The following ANOS1 variants were observed in gnomAD, a reference collection of about 807,000 sequenced individuals.
ANOS1 encodes anosmin 1, also known as anosmin-1.
Under a neutral mutation model 59.0 loss-of-function variants are expected in ANOS1, and 6 were observed. That is an observed-to-expected ratio of 0.10 (90% CI 0.06 to 0.20). The LOEUF is 0.20. Among genes scored for constraint, ANOS1 ranks in the 10% least tolerant of loss-of-function variants. The pLI, the probability that ANOS1 is intolerant of heterozygous loss-of-function variation, is 1.00. For synonymous variants in ANOS1, 217 were observed against 223.4 expected, an observed-to-expected ratio of 0.97 and a Z score of 0.25; for missense variants, 433 against 542.3, an observed-to-expected ratio of 0.80 and a Z score of 2.00.
At chrX:8,558,568 T>C (rs1023695142) in intron 8 of ANOS1, among the ~76,000 whole-genome samples, 6 of 111,676 alleles carry the variant, frequency 5.4e-5, no homozygotes, top group African/African-American at 2.0e-4. Context: ...TAAGTATGAA[T>C]AATATTTCTC....
chrX:8,555,486 G>C (rs1929936477), intron 8 of ANOS1, among the ~76,000 whole-genome samples: 1 of 111,568 alleles, frequency 9.0e-6, no homozygotes, highest in South Asian at 3.7e-4. Context: ...CTACTAGCCA[G>C]ACTAATAAAG....
chrX:8,667,422 A>G (rs779410725), intron 2 of ANOS1, among the ~76,000 whole-genome samples: 4 of 111,202 alleles, frequency 3.6e-5, no homozygotes, highest in Non-Finnish European at 7.5e-5. Flanking sequence ...CAGCCTCCAG[A>G]GTACCCGGAA....
intron 3 of ANOS1, among the ~76,000 whole-genome samples, chrX:8,605,962 T>A (rs1272507103): frequency 1.1e-5 from 1 of 94,012 alleles, no homozygotes; most frequent in Admixed American, 1.2e-4. Context: ...ACTCTGTGAG[T>A]GTATGTGCCT....
chrX:8,546,068 G>T (rs1315454638), intron 9 of ANOS1, among the ~76,000 whole-genome samples: 1 of 112,073 alleles, frequency 8.9e-6, no homozygotes, highest in Non-Finnish European at 1.9e-5. Context: ...CAGCCAAAGT[G>T]TCCTTTCCCA....
At chrX:8,623,996 ATTTTC>A (rs1486420340) in intron 2 of ANOS1, among the ~76,000 whole-genome samples, 5 of 87,994 alleles carry the variant, frequency 5.7e-5, no homozygotes, top group Admixed American at 1.3e-4. Context: ...AGTAAGAAAT[ATTTTC>A]TTTTCTTTTC....
chrX:8,699,222 C>T (rs1932727762), intron 2 of ANOS1, among the ~76,000 whole-genome samples: 1 of 111,164 alleles, frequency 9.0e-6, no homozygotes, highest in African/African-American at 3.3e-5. Context: ...TAGTGTGCAG[C>T]AAAGAATACT....
intron 5 of ANOS1, among the ~76,000 whole-genome samples, chrX:8,587,231 C>T (rs902654454): frequency 9.0e-6 from 1 of 111,267 alleles, no homozygotes; most frequent in African/African-American, 3.3e-5. Context: ...GGAGGAAGCA[C>T]TCTCTGGGAG....
chrX:8,554,134 A>G, intron 8 of ANOS1, 36 bp from the exon 9 acceptor site: 1 of 1,132,227 alleles, frequency 8.8e-7, no homozygotes. Flanking sequence ...TTACTTGTTA[A>G]AAGTAATTAT....
At chrX:8,547,132 T>C (rs760709369) in intron 9 of ANOS1, among the ~76,000 whole-genome samples, 2 of 111,816 alleles carry the variant, frequency 1.8e-5, no homozygotes, top group Non-Finnish European at 3.8e-5. Context: ...TTCCAATCCA[T>C]ATTCCTTGCA....
Position 8,535,674 on chromosome X carries a change from C to A in ANOS1, c.1759G>T (p.Val587Leu), listed in dbSNP as rs137900287. 3.4e-3 allele frequency: 4,141 copies of A among 1,209,306 alleles called. 11 individuals are homozygous for A. Among genetic ancestry groups the A allele is most frequent in the Non-Finnish European group, 4.1e-3 (3,700 of 894,036 alleles). ...NLYQPMTGFQ[V>L]TWAEVTTESR... ...TCCGTAGTGACCTCAGCCCAAGTCA[C>A]TTGAAACCCAGTCATGGGCTGATAG... Residue 587 changes from valine to leucine, a missense_variant, in exon 12 of 14, where the codon GTG becomes TTG. By Grantham distance (32) the Val-to-Leu change is conservative. Coordinates refer to ENST00000262648, the MANE Select transcript of ANOS1 (RefSeq NM_000216.4).
chrX:8,581,002 G>A (rs770723616), intron 6 of ANOS1, among the ~76,000 whole-genome samples: 1 of 111,185 alleles, frequency 9.0e-6, no homozygotes, highest in Non-Finnish European at 1.9e-5. Flanking sequence ...GGGATAAATG[G>A]GCATTTATTG....
rs2146846744 is a variant in ANOS1, at chrX:8,623,677, G to A, written c.256-7C>T. 8.6e-7 allele frequency: 1 copy of A among 1,165,137 alleles called. No homozygotes were observed. The highest frequency in any genetic ancestry group is 1.2e-6 in the Non-Finnish European group (1 of 854,344). The stretch of plus-strand genomic sequence containing the variant: ...CCTTGCAGGGCTCCAGGCACTGGAA[G>A]AGAGGAACAATAAAAATAAATAAAA... On this transcript the variant is annotated splice_region_variant and splice_polypyrimidine_tract_variant and intron_variant, in intron 2 of 13. Transcript: ENST00000262648.
chrX:8,687,537 C>T (rs1371833886), intron 2 of ANOS1, among the ~76,000 whole-genome samples: 2 of 108,875 alleles, frequency 1.8e-5, no homozygotes, highest in Admixed American at 9.9e-5. Context: ...AAATCCTCCT[C>T]AGAAAACGTG....
At chrX:8,567,059 A>G (rs1930127258) in intron 8 of ANOS1, among the ~76,000 whole-genome samples, 1 of 111,649 alleles carries the variant, frequency 9.0e-6, no homozygotes. Flanking sequence ...ACTCTCATTT[A>G]ATTTGTCCCA....
At chrX:8,642,797 G>T (rs759323857) in intron 2 of ANOS1, among the ~76,000 whole-genome samples, 2 of 111,474 alleles carry the variant, frequency 1.8e-5, no homozygotes, top group African/African-American at 3.3e-5. Flanking sequence ...GGATTGAGTA[G>T]GTTTGAAGTT....
At chrX:8,553,842 C>T (rs755108711) in intron 9 of ANOS1, 110 bp downstream of exon 9, 67 of 674,053 alleles carry the variant, frequency 9.9e-5, no homozygotes, top group Non-Finnish European at 1.5e-4. Flanking sequence ...GTTCAACAAC[C>T]GTTTGCCTTA....
chrX:8,598,744 A>T (rs921128752), intron 3 of ANOS1, among the ~76,000 whole-genome samples: 1 of 112,337 alleles, frequency 8.9e-6, no homozygotes, highest in African/African-American at 3.2e-5. Context: ...GTCTGCTTGA[A>T]TGTTTAACAA....
chrX:8,644,391 A>T (rs1931717221), intron 2 of ANOS1, among the ~76,000 whole-genome samples: 1 of 110,568 alleles, frequency 9.0e-6, no homozygotes, highest in Non-Finnish European at 1.9e-5. Context: ...TAGGGATCTT[A>T]AGACTGACAA....
chrX:8,558,939 A>G (rs755727986), intron 8 of ANOS1, among the ~76,000 whole-genome samples: 1 of 112,510 alleles, frequency 8.9e-6, no homozygotes, highest in African/African-American at 3.2e-5. Context: ...AGGTTGGGTA[A>G]TGGAATACAA....
Sources: gnomAD v4.1 joint callset for allele counts (sites outside exome capture counted in the v4.1 genomes callset) on GRCh38, gnomAD v4.1.1 for gene constraint, MANE v1.5 for transcripts, NCBI Gene and HGNC (gene_info 2026-07-23, HGNC 2026-07-21) for gene names.